ROBO1: variants seen among roughly 807,000 people sequenced by gnomAD.
ROBO1 encodes roundabout homolog 1.
In ROBO1, 149 loss-of-function variants were observed where a neutral mutation model predicts 195.9. The observed-to-expected ratio is 0.76, with a 90% confidence interval of 0.67 to 0.87. ROBO1 has a LOEUF of 0.87. Ranked by LOEUF, ROBO1 falls within the 40% of genes least tolerant of loss-of-function variation. The pLI, the probability that ROBO1 is intolerant of heterozygous loss-of-function variation, is 0.00. For missense variants in ROBO1, 1,933 were observed against 2,068.3 expected (o/e 0.93, Z 1.27); for synonymous variants, 816 against 733.2 (o/e 1.11, Z -1.82).
At chr3:78,790,263 C>G (rs1265364413) in intron 4 of ROBO1, among the ~76,000 whole-genome samples, 5 of 152,162 alleles carry the variant, frequency 3.3e-5, no homozygotes, top group African/African-American at 9.7e-5. Context: ...CCTAGACTTA[C>G]AGCTTTTCCT....
intron 3 of ROBO1, among the ~76,000 whole-genome samples, chr3:78,990,207 C>A (rs745445918): frequency 2.6e-5 from 4 of 152,154 alleles, no homozygotes; most frequent in South Asian, 4.1e-4. Context: ...TTCTTTCAAT[C>A]ATTGTTGATT....
chr3:79,018,826 G>T (rs1288025992), intron 3 of ROBO1: 4 of 1,015,742 alleles, frequency 3.9e-6, no homozygotes, highest in Non-Finnish European at 4.7e-6. Context: ...CACAATGTGC[G>T]GCCGAGCGCC....
chr3:79,002,156 C>T (rs770205904), intron 3 of ROBO1, among the ~76,000 whole-genome samples: 1 of 152,046 alleles, frequency 6.6e-6, no homozygotes, highest in Non-Finnish European at 1.5e-5. Flanking sequence ...TGACCATGAG[C>T]ACATGTGAAG....
At chr3:78,949,594 G>C (rs1417667171) in intron 3 of ROBO1, among the ~76,000 whole-genome samples, 1 of 152,082 alleles carries the variant, frequency 6.6e-6, no homozygotes, top group Non-Finnish European at 1.5e-5. Flanking sequence ...TCAGGACATA[G>C]GCATGGGCAA....
At chr3:79,499,572 C>T (rs917863456) in intron 2 of ROBO1, among the ~76,000 whole-genome samples, 1 of 152,046 alleles carries the variant, frequency 6.6e-6, no homozygotes, top group Non-Finnish European at 1.5e-5. Context: ...TTCCCTTATT[C>T]CTTCAAAACA....
Position 79,117,946 on chromosome 3 carries a change from G to T in ROBO1, c.172+7510C>A, listed in dbSNP as rs2080038711. On this transcript the variant is annotated intron_variant, in intron 3 of 30. Transcript: ENST00000464233. ...GGTTTTCAAGAAAAATTTGTAGACTGCCAAATATTTCCTTTCTGTGAATTG... is the reference window on the plus strand; with the variant it reads ...GGTTTTCAAGAAAAATTTGTAGACTTCCAAATATTTCCTTTCTGTGAATTG... 2.0e-5 allele frequency among the ~76,000 whole-genome samples: 3 copies of T among 152,144 alleles called. No individual in the cohort carries two copies. The South Asian group carries it at 6.2e-4, about 31-fold the overall frequency.
intron 2 of ROBO1, among the ~76,000 whole-genome samples, chr3:79,526,974 A>G (rs945807601): frequency 3.3e-5 from 5 of 152,184 alleles, no homozygotes; most frequent in Admixed American, 1.3e-4. Flanking sequence ...CACTATTCCT[A>G]TACAGATAAA....
chr3:78,705,084 A>C (rs2081518172), intron 8 of ROBO1, among the ~76,000 whole-genome samples: 1 of 152,244 alleles, frequency 6.6e-6, no homozygotes, highest in African/African-American at 2.4e-5. Context: ...TACATGGAAC[A>C]GGCAGTGATG....
rs375134341 is a variant in ROBO1 at position 79,008,888 on chromosome 3, CGTGTGTGTGT to C, written c.173-69971_173-69962del. On this transcript the variant is annotated intron_variant, in intron 3 of 30. Transcript: ENST00000464233. ...ACAGGCATGAGCCACTGCACCCAGC[CGTGTGTGTGT>C]GTGTGTGTGTGTGTGTGTGTGTGTG... 4.8e-3 allele frequency among the ~76,000 whole-genome samples: 577 copies of C among 121,266 alleles called. 4 individuals are homozygous for C. The highest frequency in any genetic ancestry group is 0.017 in the African/African-American group (528 of 31,346). 79.6% of individuals were successfully genotyped at this position (121,266 alleles called of 152,430 possible).
At chr3:79,739,585 A>G (rs1453209201) in intron 1 of ROBO1, among the ~76,000 whole-genome samples, 1 of 152,176 alleles carries the variant, frequency 6.6e-6, no homozygotes, top group Admixed American at 6.6e-5. Context: ...TAGCAAATGG[A>G]GGCTATTTCA....
chr3:79,609,212 A>G (rs902821045), intron 1 of ROBO1, among the ~76,000 whole-genome samples: 20 of 152,028 alleles, frequency 1.3e-4, no homozygotes, highest in South Asian at 6.2e-4. Flanking sequence ...GGCCCGCCTT[A>G]CCAAAATATC....
At chr3:79,619,123 A>T (rs1398984142) in intron 1 of ROBO1, among the ~76,000 whole-genome samples, 1 of 152,088 alleles carries the variant, frequency 6.6e-6, no homozygotes, top group Non-Finnish European at 1.5e-5. Flanking sequence ...TGCCCTCATC[A>T]TTCACCCACA....
At chr3:78,765,249 C>T (rs529774531) in intron 4 of ROBO1, among the ~76,000 whole-genome samples, 1 of 152,102 alleles carries the variant, frequency 6.6e-6, no homozygotes, top group African/African-American at 2.4e-5. Context: ...TTATTTGGAA[C>T]TGGGTCCACC....
At chr3:79,268,887 A>T (rs2030249300) in intron 2 of ROBO1, among the ~76,000 whole-genome samples, 1 of 151,732 alleles carries the variant, frequency 6.6e-6, no homozygotes, top group East Asian at 1.9e-4. Context: ...GTTTGGCCAC[A>T]AAATGTCTGT....
At chr3:79,414,413 A>G (rs973523259) in intron 2 of ROBO1, among the ~76,000 whole-genome samples, 2 of 152,088 alleles carry the variant, frequency 1.3e-5, no homozygotes, top group Non-Finnish European at 2.9e-5. Flanking sequence ...TGTTATGGAT[A>G]TTAATTTGAG....
At chr3:79,242,640 C>T (rs1228285444) in intron 2 of ROBO1, among the ~76,000 whole-genome samples, 1 of 152,162 alleles carries the variant, frequency 6.6e-6, no homozygotes, top group Non-Finnish European at 1.5e-5. Flanking sequence ...TCACTTATTA[C>T]ATTCACCATC....
chr3:78,600,026 A>G, intron 30 of ROBO1, 87 bp downstream of exon 30: 1 of 1,088,756 alleles, frequency 9.2e-7, no homozygotes, highest in Middle Eastern at 2.0e-4. Context: ...ATAAAACAGT[A>G]ACATTTCTGT....
At chr3:78,892,498 C>T (rs929303494) in intron 4 of ROBO1, among the ~76,000 whole-genome samples, 1 of 152,146 alleles carries the variant, frequency 6.6e-6, no homozygotes, top group Non-Finnish European at 1.5e-5. Context: ...ATAATATATG[C>T]TGCATTGTGA....
intron 3 of ROBO1, among the ~76,000 whole-genome samples, chr3:79,056,805 A>G (rs779814626): frequency 1.4e-4 from 22 of 152,078 alleles, no homozygotes; most frequent in Admixed American, 7.2e-4. Flanking sequence ...CCCTACTGGG[A>G]TAATAGTTCA....
Sources: gnomAD v4.1 joint callset for allele counts (sites outside exome capture counted in the v4.1 genomes callset) on GRCh38, gnomAD v4.1.1 for gene constraint, MANE v1.5 for transcripts, NCBI Gene and HGNC (gene_info 2026-07-23, HGNC 2026-07-21) for gene names.